Variants in CACNG2 observed in about 807,000 individuals in gnomAD.
The protein encoded by CACNG2 is calcium voltage-gated channel auxiliary subunit gamma 2.
In CACNG2, 3 loss-of-function variants were observed where a neutral mutation model predicts 25.9. That is an observed-to-expected ratio of 0.12 (90% CI 0.05 to 0.30). The LOEUF (loss-of-function observed/expected upper bound fraction) is 0.30, where lower values mean the gene tolerates loss of function less well. CACNG2 is among the 10% of genes least tolerant of loss of function. The pLI is 1.00. For synonymous variants in CACNG2, 167 were observed against 173.3 expected (o/e 0.96, Z 0.29); for missense variants, 341 against 432.5 (o/e 0.79, Z 1.88).
chr22:36,564,770 G>A lies in CACNG2; in HGVS notation c.553C>T (p.Leu185=). 2 of 1,614,252 alleles carry A rather than the reference G, an allele frequency of 1.2e-6. No homozygotes were observed. The highest frequency in any genetic ancestry group is 2.2e-5 in the South Asian group (2 of 91,086). ...ACCATCTCGGCGATGATGAAGGACAGGGCCCCGAAGTAGAAGGACCAGCCG... is the reference window on the plus strand; with the variant it reads ...ACCATCTCGGCGATGATGAAGGACAAGGCCCCGAAGTAGAAGGACCAGCCG... ...SYGWSFYFGA[L]SFIIAEMVGV... Residue 185 remains leucine (L), a synonymous_variant, in exon 4 of 4, where the codon CTG becomes TTG. Transcript: ENST00000300105. The surrounding 1 kb of genome is among the most constrained non-coding windows in gnomAD (Gnocchi z 6.7).
rs1172784898 is a variant in CACNG2, at chr22:36,702,745, G to C, written c.-169C>G. On this transcript the variant is annotated 5_prime_UTR_variant, in exon 1 of 4. Coordinates refer to ENST00000300105, the MANE Select transcript of CACNG2 (RefSeq NM_006078.5). ...TATGGAGAGTTATAAAAAAAGGGAG[G>C]TAAGAAAGCTCACGGAAAAGAGTGT... The C allele has an allele frequency of 1.7e-6, 1 of 587,172 alleles. No homozygotes were observed. Among genetic ancestry groups the C allele is most frequent in the African/African-American group, 1.9e-5 (1 of 53,340 alleles). 36.4% of individuals were successfully genotyped at this position (587,172 alleles called of 1,614,324 possible).
rs140468898 is a variant in CACNG2 at position 36,632,796 on chromosome 22, G to A, written c.212-45248C>T. On this transcript the variant is annotated intron_variant, in intron 1 of 3. Coordinates refer to ENST00000300105, the MANE Select transcript of CACNG2 (RefSeq NM_006078.5). Reference sequence around the variant, plus strand: ...ATCTTCTAGACCCCTAACTGGTGGAGTGCCCAGGTCTTCATCCTCAAACCT... The same window carrying A: ...ATCTTCTAGACCCCTAACTGGTGGAATGCCCAGGTCTTCATCCTCAAACCT... 1.2e-3 allele frequency among the ~76,000 whole-genome samples: 188 copies of A among 152,076 alleles called. 1 individual carries two copies. The highest frequency in any genetic ancestry group is 4.1e-3 in the African/African-American group (168 of 41,464).
At chr22:36,683,687 A>G (rs1937157811) in intron 1 of CACNG2, among the ~76,000 whole-genome samples, 1 of 152,146 alleles carries the variant, frequency 6.6e-6, no homozygotes, top group South Asian at 2.1e-4. Flanking sequence ...TCTAGGGTGG[A>G]GAAAGAAATT....
At chr22:36,622,111 G>A (rs754209322) in intron 1 of CACNG2, among the ~76,000 whole-genome samples, 4 of 152,376 alleles carry the variant, frequency 2.6e-5, no homozygotes, top group Middle Eastern at 3.4e-3. Flanking sequence ...CTGAGGCACA[G>A]AGAAGTTTAG....
chr22:36,686,955 T>A (rs1305517702), intron 1 of CACNG2, among the ~76,000 whole-genome samples: 2 of 152,154 alleles, frequency 1.3e-5, no homozygotes, highest in Non-Finnish European at 2.9e-5. Context: ...TCCCTATAGC[T>A]AATGTGTGGT....
chr22:36,582,556 C>T (rs1480118813), intron 2 of CACNG2, among the ~76,000 whole-genome samples: 1 of 152,012 alleles, frequency 6.6e-6, no homozygotes, highest in African/African-American at 2.4e-5. Context: ...CAGGCATGCA[C>T]CACCACGCCT....
At chr22:36,681,073 A>T (rs182781617) in intron 1 of CACNG2, among the ~76,000 whole-genome samples, 49 of 152,320 alleles carry the variant, frequency 3.2e-4, no homozygotes, top group Non-Finnish European at 6.2e-4. Flanking sequence ...CTTTTTCACG[A>T]GTAAGTTAGA....
In CACNG2 at chr22:36,625,701, C is replaced by A. The variant is rs542776873; in HGVS notation, c.212-38153G>T. ...TCAGCTTTGGAGAAATCGTGTTTAT[C>A]TTTAACTACAGTTTAAAAAAATAAT... On this transcript the variant is annotated intron_variant, in intron 1 of 3. Transcript: ENST00000300105. Among the ~76,000 whole-genome samples, 9 of 152,262 alleles carry A rather than the reference C, an allele frequency of 5.9e-5. No homozygotes were observed. In the East Asian group the frequency reaches 1.7e-3, roughly 29 times the overall value.
chr22:36,619,922 C>T (rs1385084453), intron 1 of CACNG2, among the ~76,000 whole-genome samples: 1 of 152,246 alleles, frequency 6.6e-6, no homozygotes, highest in Non-Finnish European at 1.5e-5. Context: ...GAGTTAAATG[C>T]TGTCACTTGG....
At chr22:36,600,694 G>A (rs915185281) in intron 1 of CACNG2, among the ~76,000 whole-genome samples, 68 of 151,966 alleles carry the variant, frequency 4.5e-4, no homozygotes, top group African/African-American at 1.6e-3. Flanking sequence ...TTACAGACAC[G>A]CACCACCAAG....
intron 1 of CACNG2, among the ~76,000 whole-genome samples, chr22:36,612,569 C>T (rs1292136644): frequency 6.6e-6 from 1 of 152,208 alleles, no homozygotes; most frequent in African/African-American, 2.4e-5. Context: ...CTCATAACTT[C>T]TTGGAGGAGA....
At chr22:36,578,427 G>A (rs1431464832) in intron 2 of CACNG2, among the ~76,000 whole-genome samples, 1 of 151,888 alleles carries the variant, frequency 6.6e-6, no homozygotes, top group Non-Finnish European at 1.5e-5. Context: ...AAGCCTGGTG[G>A]ACGCCCCTCA....
chr22:36,653,646 A>T (rs553484206), intron 1 of CACNG2, among the ~76,000 whole-genome samples: 1 of 152,240 alleles, frequency 6.6e-6, no homozygotes, highest in Non-Finnish European at 1.5e-5. Flanking sequence ...AAGGGTTGGG[A>T]CGGGTCAAGG....
At chr22:36,609,168 G>T (rs1935887050) in intron 1 of CACNG2, among the ~76,000 whole-genome samples, 1 of 150,882 alleles carries the variant, frequency 6.6e-6, no homozygotes, top group Non-Finnish European at 1.5e-5. Context: ...GCGTGATCAG[G>T]CAGGAATCAG....
In CACNG2 at chr22:36,653,986, G is replaced by C. The variant is rs1311513084; in HGVS notation, c.211+48380C>G. Among the ~76,000 whole-genome samples the C allele has an allele frequency of 6.2e-4, 75 of 121,196 alleles. No individual in the cohort carries two copies. The South Asian group carries it at 0.011, about 18-fold the overall frequency. 79.5% of individuals were successfully genotyped at this position (121,196 alleles called of 152,430 possible). Reference sequence around the variant, plus strand: ...TGTGTGTGTGTGTGTGTGTCTCTGTGTGTGTGTGTGTGTGTGTGTGTGTGT... The same window carrying C: ...TGTGTGTGTGTGTGTGTGTCTCTGTCTGTGTGTGTGTGTGTGTGTGTGTGT... On this transcript the variant is annotated intron_variant, in intron 1 of 3. Transcript: ENST00000300105.
chr22:36,632,749 G>A (rs1318696885), intron 1 of CACNG2, among the ~76,000 whole-genome samples: 1 of 151,980 alleles, frequency 6.6e-6, no homozygotes, highest in Admixed American at 6.6e-5. Context: ...CTCCTTCTCA[G>A]TCTCTTTGTG....
chr22:36,694,535 C>G (rs1346762255), intron 1 of CACNG2, among the ~76,000 whole-genome samples: 1 of 152,208 alleles, frequency 6.6e-6, no homozygotes, highest in Non-Finnish European at 1.5e-5. Flanking sequence ...CAAATTGCAG[C>G]TGAAATCCTC....
intron 1 of CACNG2, among the ~76,000 whole-genome samples, chr22:36,675,363 G>A (rs931412060): frequency 6.6e-6 from 1 of 152,076 alleles, no homozygotes; most frequent in Admixed American, 6.5e-5. Context: ...TAATTTATGA[G>A]GTGGGTGACC....
chr22:36,696,568 T>C (rs1266433617), intron 1 of CACNG2, among the ~76,000 whole-genome samples: 1 of 152,214 alleles, frequency 6.6e-6, no homozygotes, highest in African/African-American at 2.4e-5. Context: ...ACTGTCATGA[T>C]TGCTGTGGGC....
Sources: gnomAD v4.1 joint callset for allele counts (sites outside exome capture counted in the v4.1 genomes callset) on GRCh38, gnomAD v4.1.1 for gene constraint, Gnocchi (gnomAD v3.1) non-coding constraint, MANE v1.5 for transcripts, NCBI Gene and HGNC (gene_info 2026-07-23, HGNC 2026-07-21) for gene names.